The following TAFA1 variants were observed in gnomAD, a reference collection of about 807,000 sequenced individuals.
TAFA1 encodes the protein chemokine-like protein TAFA-1.
TAFA1 carries 4 observed loss-of-function variants against 18.5 expected under a neutral mutation model. That is an observed-to-expected ratio of 0.22 (90% CI 0.11 to 0.49). The LOEUF (loss-of-function observed/expected upper bound fraction) is 0.49. Among genes scored for constraint, TAFA1 ranks in the 20% least tolerant of loss-of-function variants. TAFA1 has a pLI of 0.98. For missense variants in TAFA1, 147 were observed against 169.0 expected (o/e 0.87, Z 0.72); for synonymous variants, 56 against 55.2 (o/e 1.01, Z -0.06).
upstream of TAFA1, among the ~76,000 whole-genome samples, chr3:67,999,985 C>T (rs773637635): frequency 1.3e-5 from 2 of 152,072 alleles, no homozygotes; most frequent in African/African-American, 2.4e-5. Context: ...GACAGGGTTT[C>T]ACCATGTTTT....
chr3:68,253,037 G>A (rs2067227737), intron 2 of TAFA1, among the ~76,000 whole-genome samples: 1 of 152,096 alleles, frequency 6.6e-6, no homozygotes, highest in Non-Finnish European at 1.5e-5. Context: ...CCAGCCATGT[G>A]GAACTGTGAG....
intron 2 of TAFA1, among the ~76,000 whole-genome samples, chr3:68,245,858 A>C (rs2067067209): frequency 1.3e-5 from 2 of 152,196 alleles, no homozygotes. Flanking sequence ...GGTCTTTTGG[A>C]AGCAAGAGGA....
intron 3 of TAFA1, among the ~76,000 whole-genome samples, chr3:68,423,033 A>G (rs1440597209): frequency 1.3e-5 from 2 of 152,036 alleles, no homozygotes; most frequent in East Asian, 1.9e-4. Flanking sequence ...TTTGAGAACA[A>G]TTTTTCCAAG....
chr3:68,380,013 G>A (rs531328552), intron 2 of TAFA1, among the ~76,000 whole-genome samples: 18 of 151,794 alleles, frequency 1.2e-4, no homozygotes, highest in East Asian at 3.9e-4. Context: ...GAGAACATGC[G>A]GTGTTTGGTT....
Position 68,256,479 on chromosome 3 carries a change from A to G in TAFA1, c.119-160801A>G, listed in dbSNP as rs183626222. On this transcript the variant is annotated intron_variant, in intron 2 of 4. Transcript: ENST00000478136. ...ATAATAATAGTACCTATCTCCACAT[A>G]TTGTAGTACAAAGTCACATTTTTAA... Among the ~76,000 whole-genome samples, 16 of 152,258 alleles carry G rather than the reference A, an allele frequency of 1.1e-4. No homozygotes were observed. The East Asian group carries it at 1.7e-3, about 17-fold the overall frequency.
At chr3:68,154,332 T>G (rs529912039) in intron 2 of TAFA1, among the ~76,000 whole-genome samples, 73 of 152,280 alleles carry the variant, frequency 4.8e-4, no homozygotes, top group African/African-American at 1.7e-3. Flanking sequence ...AAGATCCACC[T>G]GCAAGATCCC....
intron 2 of TAFA1, among the ~76,000 whole-genome samples, chr3:68,280,381 G>A (rs2067876955): frequency 6.6e-6 from 1 of 152,116 alleles, no homozygotes; most frequent in Non-Finnish European, 1.5e-5. Flanking sequence ...CAAAGTTAGT[G>A]ACATTTATTC....
chr3:68,512,828 T>C lies in TAFA1; in HGVS notation c.260-25928T>C, dbSNP rs1180871066. On this transcript the variant is annotated intron_variant, in intron 3 of 4. Transcript: ENST00000478136. The stretch of plus-strand genomic sequence containing the variant: ...GTCAGAACTCATGATCTTGATTACG[T>C]TGTTACATGAACTATTAATTTAAAC... 3.3e-5 allele frequency among the ~76,000 whole-genome samples: 5 copies of C among 152,272 alleles called. No homozygotes were observed. In the East Asian group the frequency reaches 9.6e-4, roughly 29 times the overall value.
intron 3 of TAFA1, among the ~76,000 whole-genome samples, chr3:68,518,063 T>C (rs1912855): frequency 0.79 from 120,651 of 152,202 alleles, 47,917 homozygotes; most frequent in East Asian, 0.9. Context: ...TGAGATTCCC[T>C]TTCTCTACTT....
At chr3:68,417,497 T>C (rs1293795781) in intron 3 of TAFA1, 77 bp downstream of exon 3, 3 of 1,386,912 alleles carry the variant, frequency 2.2e-6, no homozygotes, top group Non-Finnish European at 3.0e-6. Flanking sequence ...TTTTATCTAA[T>C]ATGGTTCCAG....
At chr3:68,268,502 T>C (rs566648664) in intron 2 of TAFA1, among the ~76,000 whole-genome samples, 2 of 152,180 alleles carry the variant, frequency 1.3e-5, no homozygotes, top group African/African-American at 4.8e-5. Context: ...ATATTTGACC[T>C]CTTTTTGATG....
chr3:68,182,291 A>G (rs1575665254), intron 2 of TAFA1, among the ~76,000 whole-genome samples: 1 of 152,334 alleles, frequency 6.6e-6, no homozygotes, highest in East Asian at 1.9e-4. Context: ...TACCAGGTGG[A>G]AAATTGGATA....
chr3:68,385,879 G>A (rs1258844152), intron 2 of TAFA1, among the ~76,000 whole-genome samples: 1 of 152,032 alleles, frequency 6.6e-6, no homozygotes. Flanking sequence ...GAGCAAATCA[G>A]GGTAATTAGC....
intron 2 of TAFA1, among the ~76,000 whole-genome samples, chr3:68,372,776 C>G (rs1040860277): frequency 6.6e-6 from 1 of 151,868 alleles, no homozygotes; most frequent in Non-Finnish European, 1.5e-5. Context: ...GAAAACAATA[C>G]ATTTAGCACT....
intron 2 of TAFA1, among the ~76,000 whole-genome samples, chr3:68,370,454 A>ATGTGTGTG (rs1233179753): frequency 2.5e-4 from 10 of 39,804 alleles, no homozygotes; most frequent in African/African-American, 1.1e-3. Context: ...ATGTATATAT[A>ATGTGTGTG]TGTGTGTGTG....
chr3:68,366,102 AAAG>A (rs1466861137), intron 2 of TAFA1, among the ~76,000 whole-genome samples: 1 of 151,300 alleles, frequency 6.6e-6, no homozygotes, highest in Non-Finnish European at 1.5e-5. Context: ...AAAAAAAAAA[AAAG>A]AAACCATCAG....
chr3:68,312,470 T>C (rs1186610094), intron 2 of TAFA1, among the ~76,000 whole-genome samples: 1 of 152,192 alleles, frequency 6.6e-6, no homozygotes, highest in East Asian at 1.9e-4. Flanking sequence ...TTCCACCAGA[T>C]ACCCTAAACC....
chr3:67,997,142 T>C, the TAFA1 span, among the ~76,000 whole-genome samples: 1 of 152,164 alleles, frequency 6.6e-6, no homozygotes, highest in Non-Finnish European at 1.5e-5. Context: ...ATAGAAAGAA[T>C]GTTTCAATAG....
chr3:68,296,673 C>A (rs977078936), intron 2 of TAFA1, among the ~76,000 whole-genome samples: 5 of 152,006 alleles, frequency 3.3e-5, no homozygotes, highest in African/African-American at 4.8e-5. Context: ...CTTCCTGTTT[C>A]AACATACAAG....
Sources: gnomAD v4.1 joint callset for allele counts (sites outside exome capture counted in the v4.1 genomes callset) on GRCh38, gnomAD v4.1.1 for gene constraint, MANE v1.5 for transcripts, NCBI Gene and HGNC (gene_info 2026-07-23, HGNC 2026-07-21) for gene names.